ECM2: variants seen among roughly 807,000 people sequenced by gnomAD.
ECM2 encodes extracellular matrix protein 2.
A neutral mutation model predicts 67.5 loss-of-function variants in ECM2; 57 were observed. That is an observed-to-expected ratio of 0.84 (90% CI 0.68 to 1.05). The LOEUF (loss-of-function observed/expected upper bound fraction) is 1.05, where lower values mean the gene tolerates loss of function less well. Among genes scored for constraint, ECM2 ranks in the 50% least tolerant of loss-of-function variants. ECM2 has a pLI of 0.00. For synonymous variants in ECM2, 258 were observed against 294.5 expected (o/e 0.88, Z 1.27); for missense variants, 741 against 822.8 (o/e 0.90, Z 1.22).
the ECM2 span, among the ~76,000 whole-genome samples, chr9:92,543,540 G>A: frequency 4.3e-5 from 6 of 138,586 alleles, no homozygotes; most frequent in South Asian, 2.3e-4. Flanking sequence ...GATTCCTTAC[G>A]AATTTTATGA....
At chr9:92,494,501 C>G (rs924356097), downstream of ECM2, among the ~76,000 whole-genome samples, 1 of 152,146 alleles carries the variant, frequency 6.6e-6, no homozygotes, top group Non-Finnish European at 1.5e-5. Context: ...TCCTAACAAC[C>G]TGCTATAAGT....
Position 92,496,486 on chromosome 9 carries a change from A to G in ECM2, c.1932-3T>C, listed in dbSNP as rs1248264233. ...AAATTTCTTCTGGAAGAATGTTCCT[A>G]AGGAAAAATAGACATGCAAGTCACA... On this transcript the variant is annotated splice_region_variant and splice_polypyrimidine_tract_variant and intron_variant, in intron 9 of 9. Coordinates refer to ENST00000344604, the MANE Select transcript of ECM2 (RefSeq NM_001393.4). The G allele has an allele frequency of 1.9e-6, 3 of 1,607,320 alleles. No homozygotes were observed. Among genetic ancestry groups the G allele is most frequent in the Middle Eastern group, 1.7e-4 (1 of 6,044 alleles).
intron 1 of ECM2, among the ~76,000 whole-genome samples, chr9:92,527,326 T>C (rs899549166): frequency 2.6e-5 from 4 of 152,168 alleles, no homozygotes; most frequent in African/African-American, 9.7e-5. Flanking sequence ...TATGTTTAGA[T>C]ACACAAATAC....
At chr9:92,539,137 G>A (rs956337895), upstream of ECM2, 1 of 152,136 alleles carries the variant, frequency 6.6e-6, no homozygotes, top group East Asian at 1.9e-4. Context: ...ACAATGTTCC[G>A]GTATCTTTAT....
chr9:92,551,953 GATAT>G, the ECM2 span, among the ~76,000 whole-genome samples: 1 of 108,136 alleles, frequency 9.2e-6, no homozygotes, highest in East Asian at 2.5e-4. Context: ...ATATATATAT[GATAT>G]ATATATGTGT....
chr9:92,552,593 T>G, the ECM2 span, among the ~76,000 whole-genome samples: 1 of 152,298 alleles, frequency 6.6e-6, no homozygotes, highest in Non-Finnish European at 1.5e-5. Context: ...CTCTGATTAT[T>G]AGTGATGTTG....
chr9:92,504,992 G>A (rs1846911176), intron 7 of ECM2, among the ~76,000 whole-genome samples: 1 of 152,228 alleles, frequency 6.6e-6, no homozygotes, highest in Admixed American at 6.5e-5. Context: ...GGGGCCTGGA[G>A]TTAGTCACAG....
the ECM2 span, among the ~76,000 whole-genome samples, chr9:92,545,016 G>A: frequency 6.6e-6 from 1 of 152,154 alleles, no homozygotes; most frequent in East Asian, 1.9e-4. Context: ...GAGCAACCAC[G>A]CCCATCTTAC....
rs368156894 is a variant in ECM2, at chr9:92,533,334, T to A, written c.-28+2599A>T. On this transcript the variant is annotated intron_variant, in intron 1 of 9. Coordinates refer to ENST00000344604, the MANE Select transcript of ECM2 (RefSeq NM_001393.4). The stretch of plus-strand genomic sequence containing the variant: ...AAAAAAAAAAAAAAAAAAAAATATA[T>A]ATATATATATATATATATATATATG... 5.5e-3 allele frequency among the ~76,000 whole-genome samples: 519 copies of A among 93,662 alleles called. 1 individual carries two copies. The highest frequency in any genetic ancestry group is 9.2e-3 in the South Asian group (20 of 2,166). 61.4% of individuals were successfully genotyped at this position (93,662 alleles called of 152,430 possible). A position where few individuals can be genotyped will look rare whatever the true frequency, so the allele number is the denominator to read the frequency against.
intron 2 of ECM2, 36 bp downstream of exon 2, chr9:92,522,539 C>A (rs1360945138): frequency 1.3e-6 from 2 of 1,531,308 alleles, no homozygotes; most frequent in Non-Finnish European, 1.8e-6. Flanking sequence ...TCACCCTCCT[C>A]CCTCTTTCTG....
rs749910227 is a variant in ECM2, at chr9:92,514,728, C to T, written c.957G>A (p.Gly319=). 1 of 1,607,796 alleles carries T rather than the reference C, an allele frequency of 6.2e-7. No individual in the cohort carries two copies. Among genetic ancestry groups the T allele is most frequent in the Non-Finnish European group, 8.5e-7 (1 of 1,174,426 alleles). ...PPRGTLRLPS[G]CSLSYRTISC... Reference sequence around the variant, plus strand: ...TGATGGTCCTGTAGGACAGAGAGCACCCGCTTGGCAGGCGCAGTGTGCCTC... The same window carrying T: ...TGATGGTCCTGTAGGACAGAGAGCATCCGCTTGGCAGGCGCAGTGTGCCTC... The change falls in exon 4 of 10, where the codon GGG becomes GGA. Residue 319 remains glycine (G), a synonymous_variant. Transcript: ENST00000344604.
At chr9:92,502,756 C>A in intron 7 of ECM2, 104 bp from the exon 8 acceptor site, 3 of 884,714 alleles carry the variant, frequency 3.4e-6, no homozygotes, top group Non-Finnish European at 4.8e-6. Context: ...TTAGTATTAT[C>A]TAAAGAGTCT....
chr9:92,523,888 T>G (rs1848227206), intron 1 of ECM2, among the ~76,000 whole-genome samples: 1 of 152,228 alleles, frequency 6.6e-6, no homozygotes, highest in Non-Finnish European at 1.5e-5. Flanking sequence ...CTCTTGTGGC[T>G]TTCCACAACT....
At chr9:92,505,456 T>A in intron 7 of ECM2, 77 bp downstream of exon 7, 3 of 1,252,552 alleles carry the variant, frequency 2.4e-6, no homozygotes, top group Non-Finnish European at 3.4e-6. Flanking sequence ...ATCACAATAG[T>A]CTTAAAATAT....
intron 8 of ECM2, among the ~76,000 whole-genome samples, chr9:92,501,648 A>G (rs1340337649): frequency 1.3e-5 from 2 of 152,170 alleles, no homozygotes; most frequent in Non-Finnish European, 2.9e-5. Context: ...GAGTCTCCTA[A>G]GGCTTCTGCC....
In ECM2 at chr9:92,514,982, T is replaced by C. The variant is rs750464502; in HGVS notation, c.703A>G (p.Asn235Asp). 2 of 1,614,090 alleles carry C rather than the reference T, an allele frequency of 1.2e-6. No individual in the cohort carries two copies. The highest frequency in any genetic ancestry group is 1.7e-6 in the Non-Finnish European group (2 of 1,179,996). Residue 235 changes from asparagine to aspartate, a missense_variant, in exon 4 of 10, where the codon AAT (asparagine) becomes GAT (aspartate). Physicochemically the swap from Asn to Asp is conservative, Grantham distance 23. Coordinates refer to ENST00000344604, the MANE Select transcript of ECM2 (RefSeq NM_001393.4). Reference protein sequence around the residue: ...EQKRETPESRNQGQLYSEGDS... With the variant: ...EQKRETPESRDQGQLYSEGDS... ...CCCTCACTGTAAAGTTGCCCCTGATTTCTAGATTCAGGGGTCTCTCTCTTT... is the reference window on the plus strand; with the variant it reads ...CCCTCACTGTAAAGTTGCCCCTGATCTCTAGATTCAGGGGTCTCTCTCTTT...
the ECM2 span, among the ~76,000 whole-genome samples, chr9:92,556,790 C>T: frequency 6.6e-6 from 1 of 152,174 alleles, no homozygotes; most frequent in Admixed American, 6.5e-5. Context: ...ATCTACTCTG[C>T]TGTTGTGTAT....
At chr9:92,508,015 C>T (rs1230499884) in intron 6 of ECM2, among the ~76,000 whole-genome samples, 1 of 152,182 alleles carries the variant, frequency 6.6e-6, no homozygotes, top group Non-Finnish European at 1.5e-5. Context: ...GGAGTGCCCT[C>T]CTTCCCCCTC....
At chr9:92,523,577 A>G (rs2131249426) in intron 1 of ECM2, among the ~76,000 whole-genome samples, 1 of 152,362 alleles carries the variant, frequency 6.6e-6, no homozygotes, top group Non-Finnish European at 1.5e-5. Flanking sequence ...GAGTACAATC[A>G]CTTAGATCTA....
Sources: gnomAD v4.1 joint callset for allele counts (sites outside exome capture counted in the v4.1 genomes callset) on GRCh38, gnomAD v4.1.1 for gene constraint, MANE v1.5 for transcripts, NCBI Gene and HGNC (gene_info 2026-07-23, HGNC 2026-07-21) for gene names.